The following UNC80 variants were observed in gnomAD, a reference collection of about 807,000 sequenced individuals.
The protein encoded by UNC80 is unc-80 subunit of NALCN channel complex.
A neutral mutation model predicts 384.6 loss-of-function variants in UNC80; 164 were observed. The ratio of observed to expected loss-of-function variants is 0.43; its 90% CI spans 0.38 to 0.49. The LOEUF (loss-of-function observed/expected upper bound fraction) is 0.49. Ranked by LOEUF, UNC80 falls within the 20% of genes least tolerant of loss-of-function variation. UNC80 has a pLI of 0.00. For synonymous variants in UNC80, 1,486 were observed against 1,527.8 expected, an observed-to-expected ratio of 0.97 and a Z score of 0.64; for missense variants, 3,330 against 4,143.0, an observed-to-expected ratio of 0.80 and a Z score of 5.39.
chr2:209,779,441 T>C (rs2077039069), intron 4 of UNC80, among the ~76,000 whole-genome samples: 1 of 152,206 alleles, frequency 6.6e-6, no homozygotes, highest in African/African-American at 2.4e-5. Flanking sequence ...CAGAAAGTAC[T>C]TCCCTGGCTA....
intron 41 of UNC80, among the ~76,000 whole-genome samples, chr2:209,937,135 G>T (rs143645542): frequency 1.3e-5 from 2 of 152,270 alleles, no homozygotes; most frequent in African/African-American, 4.8e-5. Flanking sequence ...GTAAAATGAA[G>T]GTAATGATAA....
chr2:209,810,959 A>G (rs146698710), intron 7 of UNC80, among the ~76,000 whole-genome samples: 1 of 152,158 alleles, frequency 6.6e-6, no homozygotes, highest in Non-Finnish European at 1.5e-5. Context: ...GGGGAAGGAA[A>G]TCCTGTCATC....
chr2:209,797,402 T>A lies in UNC80; in HGVS notation c.938+3543T>A, dbSNP rs189872215. Among the ~76,000 whole-genome samples, 6 of 152,242 alleles carry A rather than the reference T, an allele frequency of 3.9e-5. No individual in the cohort carries two copies. In the East Asian group the frequency reaches 1.2e-3, roughly 29 times the overall value. Reference sequence around the variant, plus strand: ...TGTGTTCTCAATGTTCAACTCCCACTTATGAGTGAGAACATGTGGTGTTTG... The same window carrying A: ...TGTGTTCTCAATGTTCAACTCCCACATATGAGTGAGAACATGTGGTGTTTG... On this transcript the variant is annotated intron_variant, in intron 7 of 64. Coordinates refer to ENST00000673920, the MANE Select transcript of UNC80 (RefSeq NM_001371986.1).
intron 48 of UNC80, 110 bp downstream of exon 48, chr2:209,954,380 TAC>T: frequency 1.8e-6 from 2 of 1,116,590 alleles, no homozygotes; most frequent in Non-Finnish European, 2.4e-6. Context: ...AATCTTTATT[TAC>T]AGATACCTCC....
chr2:209,772,823 C>T (rs1038610874), intron 1 of UNC80, among the ~76,000 whole-genome samples: 1 of 152,198 alleles, frequency 6.6e-6, no homozygotes, highest in Non-Finnish European at 1.5e-5. Context: ...TGCACCACTT[C>T]TGACCACTGG....
intron 22 of UNC80, among the ~76,000 whole-genome samples, chr2:209,870,102 C>A (rs980055334): frequency 5.9e-5 from 9 of 152,096 alleles, no homozygotes; most frequent in African/African-American, 2.2e-4. Flanking sequence ...GATCCTCTAC[C>A]CCATACATAT....
At chr2:209,922,676 A>G (rs1437596113) in intron 35 of UNC80, among the ~76,000 whole-genome samples, 2 of 152,214 alleles carry the variant, frequency 1.3e-5, no homozygotes, top group Non-Finnish European at 2.9e-5. Flanking sequence ...GCTACAGTAC[A>G]TTACAACCAA....
chr2:209,861,006 T>G (rs1257999016), intron 22 of UNC80, among the ~76,000 whole-genome samples: 1 of 152,254 alleles, frequency 6.6e-6, no homozygotes, highest in Admixed American at 6.5e-5. Context: ...AATGACAAGC[T>G]GACTTCCTCT....
chr2:209,887,919 T>C (rs2085976559), intron 25 of UNC80, among the ~76,000 whole-genome samples, 176 bp from the exon 26 acceptor site: 1 of 152,208 alleles, frequency 6.6e-6, no homozygotes, highest in African/African-American at 2.4e-5. Flanking sequence ...AGATTTTATT[T>C]ATTTTTTAAG....
In UNC80 at chr2:209,998,424, C is replaced by G. The variant is rs2093513640; in HGVS notation, c.*2829C>G. On this transcript the variant is annotated 3_prime_UTR_variant, in exon 65 of 65. Transcript: ENST00000673920. ...GCACTGAGAACTACAGTGTCAAAAT[C>G]AAAGGGCATAAATGGGCATGGCAGT... is the stretch of plus-strand genomic sequence containing the variant. The G allele has an allele frequency of 6.6e-6, 1 of 152,226 alleles. No individual in the cohort carries two copies. The highest frequency in any genetic ancestry group is 2.4e-5 in the African/African-American group (1 of 41,462). 9.4% of individuals were successfully genotyped at this position (152,226 alleles called of 1,614,324 possible). A position where few individuals can be genotyped will look rare whatever the true frequency, so the allele number is the denominator to read the frequency against.
In UNC80 at chr2:209,820,478, G is replaced by T. The variant is rs930861321; in HGVS notation, c.2130G>T (p.Arg710Ser). Residue 710 changes from arginine to serine, a missense_variant, in exon 13 of 65, where the codon AGG becomes AGT. Coordinates refer to ENST00000673920, the MANE Select transcript of UNC80 (RefSeq NM_001371986.1). Reference protein sequence around the residue: ...ENKENETLEKRPSEGAFQFKG... With the variant: ...ENKENETLEKSPSEGAFQFKG... ...AGGAAAATGAGACCTTGGAAAAGAG[G>T]CCAAGTGAGGGAGCTTTCCAATTCA... The T allele has an allele frequency of 2.1e-5, 32 of 1,551,544 alleles. No individual in the cohort carries two copies. Among genetic ancestry groups the T allele is most frequent in the Non-Finnish European group, 2.8e-5 (32 of 1,146,992 alleles).
chr2:209,910,341 C>A (rs2088773527), intron 29 of UNC80, among the ~76,000 whole-genome samples: 2 of 151,882 alleles, frequency 1.3e-5, no homozygotes, highest in South Asian at 4.2e-4. Context: ...TTAGGAGTCA[C>A]ACCAATAGAG....
intron 5 of UNC80, among the ~76,000 whole-genome samples, chr2:209,787,730 GC>G (rs1331630674): frequency 7.2e-5 from 11 of 152,066 alleles, no homozygotes; most frequent in African/African-American, 2.4e-4. Flanking sequence ...AATTATATAC[GC>G]ACATAATACT....
At chr2:209,940,909 C>T (rs566020762) in intron 43 of UNC80, among the ~76,000 whole-genome samples, 35 of 152,312 alleles carry the variant, frequency 2.3e-4, no homozygotes, top group Non-Finnish European at 4.4e-4. Context: ...AAGCAGTAGT[C>T]CCATCCCTGC....
rs1179190924 is a variant in UNC80, at chr2:209,771,954, G to C, written c.-119G>C. ...GGCACGGGGGATCAGGGCGGAGAGA[G>C]CCGGCTCTGCCTCGGGGAAGGAGGG... On this transcript the variant is annotated 5_prime_UTR_variant, in exon 1 of 65. Coordinates refer to ENST00000673920, the MANE Select transcript of UNC80 (RefSeq NM_001371986.1). 3 of 732,930 alleles carry C rather than the reference G, an allele frequency of 4.1e-6. No homozygotes were observed. The African/African-American group carries it at 5.4e-5, about 13-fold the overall frequency. 45.4% of individuals were successfully genotyped at this position (732,930 alleles called of 1,614,324 possible). A position where few individuals can be genotyped will look rare whatever the true frequency, so the allele number is the denominator to read the frequency against.
At chr2:209,865,738 A>G (rs1022309554) in intron 22 of UNC80, among the ~76,000 whole-genome samples, 1 of 152,194 alleles carries the variant, frequency 6.6e-6, no homozygotes, top group Non-Finnish European at 1.5e-5. Context: ...CAAATTTAAC[A>G]TATTCTTTGT....
intron 22 of UNC80, among the ~76,000 whole-genome samples, chr2:209,868,430 G>A (rs2084013756): frequency 6.6e-6 from 1 of 152,120 alleles, no homozygotes; most frequent in African/African-American, 2.4e-5. Context: ...CTTAGATATA[G>A]TCCTCCAGGG....
chr2:209,956,561 C>CTT (rs59776009), intron 48 of UNC80, among the ~76,000 whole-genome samples: 1 of 149,748 alleles, frequency 6.7e-6, no homozygotes, highest in African/African-American at 2.5e-5. Flanking sequence ...ATCTTGAATC[C>CTT]TTTTTTTTTT....
chr2:209,956,522 T>C (rs1442204998), intron 48 of UNC80, among the ~76,000 whole-genome samples: 1 of 152,058 alleles, frequency 6.6e-6, no homozygotes, highest in East Asian at 1.9e-4. Flanking sequence ...TCTCACATGC[T>C]CCCCCTCTAC....
Sources: allele counts gnomAD v4.1 joint callset (sites outside exome capture counted in the v4.1 genomes callset), GRCh38; gene constraint gnomAD v4.1.1; transcripts MANE v1.5; gene names NCBI Gene and HGNC (gene_info 2026-07-23, HGNC 2026-07-21).